Variants in FRMD5 observed in about 807,000 individuals in gnomAD.
FRMD5 encodes FERM domain-containing protein 5.
FRMD5 carries 20 observed loss-of-function variants against 69.0 expected under a neutral mutation model. The observed-to-expected ratio is 0.29, with a 90% CI of 0.20 to 0.42. The LOEUF (loss-of-function observed/expected upper bound fraction) is 0.42. FRMD5 is among the 10% of genes least tolerant of loss of function. The probability of loss-of-function intolerance (pLI) is 1.00; values close to 1 mark genes in which losing one functional copy is unlikely to be tolerated. For missense variants in FRMD5, 595 were observed against 708.6 expected (o/e 0.84, Z 1.82); for synonymous variants, 271 against 260.1 (o/e 1.04, Z -0.40).
At chr15:43,989,568 G>T in intron 1 of FRMD5, 1 of 863,328 alleles carries the variant, frequency 1.2e-6, no homozygotes, top group Non-Finnish European at 2.0e-6. Flanking sequence ...ACAATTTCCC[G>T]CTTGGCTGTG....
intron 1 of FRMD5, among the ~76,000 whole-genome samples, chr15:44,019,435 TA>T (rs200449389): frequency 0.022 from 3,118 of 140,920 alleles, 89 homozygotes; most frequent in African/African-American, 0.07. Context: ...GGCATCCTGT[TA>T]AAAAAAAAAA....
intron 1 of FRMD5, among the ~76,000 whole-genome samples, chr15:44,027,293 C>T (rs1891469462): frequency 6.6e-6 from 1 of 151,948 alleles, no homozygotes; most frequent in Non-Finnish European, 1.5e-5. Flanking sequence ...ACTTCTTTCT[C>T]CAGAGCAAAA....
At chr15:44,159,745 G>A (rs559792553) in intron 1 of FRMD5, among the ~76,000 whole-genome samples, 3 of 152,312 alleles carry the variant, frequency 2.0e-5, no homozygotes, top group African/African-American at 7.2e-5. Context: ...AGCAGTTAGA[G>A]GAGTTGCTTC....
chr15:44,090,615 T>G (rs2076458167), intron 1 of FRMD5, among the ~76,000 whole-genome samples: 1 of 152,004 alleles, frequency 6.6e-6, no homozygotes, highest in African/African-American at 2.4e-5. Context: ...AATTTTTATA[T>G]TTTTAGTAGA....
intron 1 of FRMD5, among the ~76,000 whole-genome samples, chr15:44,054,993 C>T (rs1054786765): frequency 1.3e-5 from 2 of 151,466 alleles, no homozygotes; most frequent in Non-Finnish European, 2.9e-5. Flanking sequence ...TAGCTTGAAC[C>T]CAGGATATGG....
chr15:44,058,033 C>T (rs1489565577), intron 1 of FRMD5, among the ~76,000 whole-genome samples: 1 of 152,120 alleles, frequency 6.6e-6, no homozygotes, highest in African/African-American at 2.4e-5. Context: ...TGAAACAGGG[C>T]CATTTTCATT....
intron 1 of FRMD5, among the ~76,000 whole-genome samples, chr15:44,191,805 T>C (rs1217920011): frequency 1.3e-5 from 2 of 150,118 alleles, no homozygotes; most frequent in Non-Finnish European, 3.0e-5. Context: ...TCCTTCAGTA[T>C]ACTGAGTTCA....
At position 44,194,988 on chromosome 15, in the gene FRMD5, G is replaced by T; in HGVS notation, c.67C>A (p.Leu23Met). 1 of 1,555,230 alleles carries T rather than the reference G, an allele frequency of 6.4e-7. No homozygotes were observed. The highest frequency in any genetic ancestry group is 8.7e-7 in the Non-Finnish European group (1 of 1,154,980). The change falls in exon 1 of 14, where the codon CTG (leucine) becomes ATG (methionine). Residue 23 changes from leucine (L) to methionine (M), a missense_variant. Coordinates refer to ENST00000417257, the MANE Select transcript of FRMD5 (RefSeq NM_032892.5). ...LEREYSCTVRLLDDSEYTCTI... is the reference protein window; with the variant it reads ...LEREYSCTVRMLDDSEYTCTI... ...CAGGTGTACTCGCTGTCGTCCAGCA[G>T]CCGCACGGTGCAGCTGTACTCGCGC...
chr15:44,126,794 C>T (rs1445351886), intron 1 of FRMD5, among the ~76,000 whole-genome samples: 1 of 152,154 alleles, frequency 6.6e-6, no homozygotes, highest in Admixed American at 6.5e-5. Flanking sequence ...AATCTTCCAA[C>T]CTGTCATTGC....
At chr15:44,080,108 T>C (rs1490852006) in intron 1 of FRMD5, among the ~76,000 whole-genome samples, 2 of 152,112 alleles carry the variant, frequency 1.3e-5, no homozygotes, top group African/African-American at 2.4e-5. Flanking sequence ...TTATGTTATA[T>C]ATATATTTTA....
chr15:43,981,347 G>A (rs555730879), intron 1 of FRMD5, among the ~76,000 whole-genome samples: 127 of 152,228 alleles, frequency 8.3e-4, no homozygotes, highest in Middle Eastern at 3.4e-3. Context: ...ACAAGGAAGA[G>A]GAAATATATT....
At chr15:44,092,010 G>C (rs758842630) in intron 1 of FRMD5, among the ~76,000 whole-genome samples, 1 of 152,148 alleles carries the variant, frequency 6.6e-6, no homozygotes, top group East Asian at 1.9e-4. Flanking sequence ...AGCAGACTTT[G>C]AAGTATTTAA....
chr15:44,117,672 C>T (rs2019074), intron 1 of FRMD5, among the ~76,000 whole-genome samples: 126,026 of 152,204 alleles, frequency 0.83, 54,835 homozygotes, highest in Non-Finnish European at 0.95. Context: ...TGCTTCTTTG[C>T]ATGCAATTCT....
intron 1 of FRMD5, among the ~76,000 whole-genome samples, chr15:44,086,269 T>C (rs980083660): frequency 2.0e-5 from 3 of 152,136 alleles, no homozygotes; most frequent in Non-Finnish European, 4.4e-5. Context: ...TGAATGTTTA[T>C]AGCAGCTCTA....
chr15:44,157,970 T>C (rs1390667752), intron 1 of FRMD5, among the ~76,000 whole-genome samples: 1 of 152,200 alleles, frequency 6.6e-6, no homozygotes, highest in Non-Finnish European at 1.5e-5. Flanking sequence ...GCCACAAATA[T>C]GTTTGTTCAG....
At chr15:44,040,844 T>A (rs1418381580) in intron 1 of FRMD5, among the ~76,000 whole-genome samples, 2 of 151,800 alleles carry the variant, frequency 1.3e-5, no homozygotes, top group East Asian at 3.9e-4. Context: ...ATGGGCTAAA[T>A]GCCCCAATTA....
intron 1 of FRMD5, among the ~76,000 whole-genome samples, chr15:43,936,148 G>A (rs2140476066): frequency 6.6e-6 from 1 of 152,312 alleles, no homozygotes; most frequent in Admixed American, 6.5e-5. Context: ...ATGGTTCACA[G>A]CCCAGTGCCC....
chr15:43,924,344 G>A (rs2089545429), intron 1 of FRMD5, 35 bp from the exon 2 acceptor site: 1 of 1,492,554 alleles, frequency 6.7e-7, no homozygotes, highest in South Asian at 1.2e-5. Context: ...AGAAATGAGT[G>A]GGTTTCTTCA....
At chr15:44,107,246 G>A (rs1317871634) in intron 1 of FRMD5, among the ~76,000 whole-genome samples, 1 of 152,210 alleles carries the variant, frequency 6.6e-6, no homozygotes, top group Non-Finnish European at 1.5e-5. Context: ...GAAAATAGCT[G>A]AGGACAGAGA....
Sources: allele counts gnomAD v4.1 joint callset (sites outside exome capture counted in the v4.1 genomes callset), GRCh38; gene constraint gnomAD v4.1.1; transcripts MANE v1.5; gene names NCBI Gene and HGNC (gene_info 2026-07-23, HGNC 2026-07-21).